The following MPP7 variants were observed in gnomAD, a reference collection of about 807,000 sequenced individuals.
MPP7 encodes the protein MAGUK p55 subfamily member 7.
Under a neutral mutation model 76.5 loss-of-function variants are expected in MPP7, and 60 were observed. The observed-to-expected ratio is 0.78, with a 90% CI of 0.64 to 0.97. The LOEUF (loss-of-function observed/expected upper bound fraction) is 0.97, where lower values mean the gene tolerates loss of function less well. Ranked by LOEUF, MPP7 falls within the 50% of genes least tolerant of loss-of-function variation. The pLI, the probability that MPP7 is intolerant of heterozygous loss-of-function variation, is 0.00. For synonymous variants in MPP7, 237 were observed against 244.5 expected, an observed-to-expected ratio of 0.97 and a Z score of 0.29; for missense variants, 641 against 694.0, an observed-to-expected ratio of 0.92 and a Z score of 0.86.
At chr10:28,157,843 C>T (rs1354822886) in intron 3 of MPP7, among the ~76,000 whole-genome samples, 2 of 152,218 alleles carry the variant, frequency 1.3e-5, no homozygotes, top group African/African-American at 4.8e-5. Context: ...CCAATCAAAA[C>T]CAGTTCTCCT....
At chr10:28,070,730 AT>A (rs1395976287) in intron 12 of MPP7, among the ~76,000 whole-genome samples, 1 of 152,226 alleles carries the variant, frequency 6.6e-6, no homozygotes. Flanking sequence ...GGAGCAAGGC[AT>A]ACAGTAGATT....
intron 1 of MPP7, among the ~76,000 whole-genome samples, chr10:28,271,629 T>C (rs1407938543): frequency 6.6e-6 from 1 of 152,122 alleles, no homozygotes; most frequent in Non-Finnish European, 1.5e-5. Flanking sequence ...TTGAAATTCA[T>C]AGATATATAG....
rs1053895652 is a variant in MPP7, at chr10:28,327,868, G to A, written c.-132+2061C>T. Among the ~76,000 whole-genome samples the A allele has an allele frequency of 6.6e-5, 10 of 152,128 alleles. No individual in the cohort carries two copies. In the East Asian group the frequency reaches 9.6e-4, roughly 15 times the overall value. On this transcript the variant is annotated intron_variant, in intron 2 of 11. Transcript: ENST00000441595. ...GAATTCCATGGACCAGAAAGAGCTC[G>A]GATAATAACTCCTTAAAGATAAGAG...
chr10:28,209,993 A>T (rs72631847), intron 2 of MPP7, among the ~76,000 whole-genome samples: 26,655 of 151,910 alleles, frequency 0.18, 2,971 homozygotes, highest in East Asian at 0.56. Context: ...ATTCCCCCTC[A>T]CTCTTATTGA....
At chr10:28,121,917 G>A (rs1834854815) in intron 8 of MPP7, among the ~76,000 whole-genome samples, 2 of 152,162 alleles carry the variant, frequency 1.3e-5, no homozygotes, top group African/African-American at 4.8e-5. Flanking sequence ...GCTGAAAGCT[G>A]AGTTGGGAAA....
chr10:28,286,273 G>A (rs1281493004), intron 1 of MPP7, among the ~76,000 whole-genome samples: 2 of 151,888 alleles, frequency 1.3e-5, no homozygotes, highest in East Asian at 1.9e-4. Flanking sequence ...GTGAACCCGG[G>A]AGGCAGAGCT....
chr10:28,071,907 G>T (rs930637398), intron 12 of MPP7, among the ~76,000 whole-genome samples: 1 of 152,110 alleles, frequency 6.6e-6, no homozygotes, highest in Non-Finnish European at 1.5e-5. Flanking sequence ...AGGAAAGAAG[G>T]AAACAACTAA....
intron 6 of MPP7, among the ~76,000 whole-genome samples, chr10:28,129,472 C>G (rs1363545209): frequency 6.6e-6 from 1 of 151,494 alleles, no homozygotes; most frequent in Non-Finnish European, 1.5e-5. Flanking sequence ...TCATGATTTC[C>G]TTAAACAAAA....
chr10:28,268,368 T>TA (rs1429425418), intron 1 of MPP7, among the ~76,000 whole-genome samples: 1 of 152,232 alleles, frequency 6.6e-6, no homozygotes, highest in African/African-American at 2.4e-5. Flanking sequence ...GGTTACATCA[T>TA]AGAGTACGTT....
chr10:28,255,562 G>A (rs1244772320), intron 1 of MPP7, among the ~76,000 whole-genome samples: 2 of 151,818 alleles, frequency 1.3e-5, no homozygotes, highest in African/African-American at 2.4e-5. Flanking sequence ...ATACAGGCAC[G>A]TGCCACCATG....
intron 5 of MPP7, among the ~76,000 whole-genome samples, chr10:28,137,515 A>G (rs1835386939): frequency 6.6e-6 from 1 of 152,260 alleles, no homozygotes; most frequent in Non-Finnish European, 1.5e-5. Flanking sequence ...TTGACAGGCA[A>G]TATTAAGAAC....
chr10:28,146,945 C>A (rs529116871), intron 5 of MPP7, among the ~76,000 whole-genome samples: 26 of 151,998 alleles, frequency 1.7e-4, no homozygotes, highest in Non-Finnish European at 2.5e-4. Context: ...ACTTAGGAGG[C>A]AATGGAAAGG....
At chr10:28,305,614 A>C (rs1253576536), upstream of MPP7, 1 of 152,288 alleles carries the variant, frequency 6.6e-6, no homozygotes, top group African/African-American at 2.4e-5. Context: ...ATGAGGAATA[A>C]GCTGAAACAT....
At chr10:28,096,383 T>C (rs1027363519) in intron 11 of MPP7, among the ~76,000 whole-genome samples, 1 of 152,214 alleles carries the variant, frequency 6.6e-6, no homozygotes, top group Non-Finnish European at 1.5e-5. Flanking sequence ...ATCACTGTTA[T>C]TTTAACGGTT....
intron 5 of MPP7, among the ~76,000 whole-genome samples, chr10:28,133,049 G>T (rs150486393): frequency 6.6e-6 from 1 of 152,160 alleles, no homozygotes; most frequent in Non-Finnish European, 1.5e-5. Flanking sequence ...GTCTATGGCC[G>T]CTGTCATGCT....
At chr10:28,303,125 C>T (rs1841208485), upstream of MPP7, among the ~76,000 whole-genome samples, 1 of 150,108 alleles carries the variant, frequency 6.7e-6, no homozygotes, top group Admixed American at 6.6e-5. Context: ...GGCTGCACCG[C>T]CCGCGGGTAA....
intron 1 of MPP7, among the ~76,000 whole-genome samples, chr10:28,279,078 T>C (rs983590459): frequency 1.3e-5 from 2 of 152,028 alleles, no homozygotes; most frequent in Non-Finnish European, 2.9e-5. Context: ...GAAATAGAAA[T>C]GGCATAATTA....
chr10:28,206,026 T>A (rs1306502078), intron 2 of MPP7, among the ~76,000 whole-genome samples: 1 of 152,142 alleles, frequency 6.6e-6, no homozygotes, highest in Non-Finnish European at 1.5e-5. Flanking sequence ...CTCATCAGAT[T>A]CTGGTTCCTC....
rs765242821 is a variant in MPP7, at chr10:28,089,674, C to T, written c.1120G>A (p.Val374Ile). The T allele has an allele frequency of 1.2e-6, 2 of 1,611,142 alleles. No homozygotes were observed. The highest frequency in any genetic ancestry group is 8.5e-7 in the Non-Finnish European group (1 of 1,178,966). The change falls in exon 12 of 17, where the codon GTT becomes ATT. Residue 374 changes from valine (V) to isoleucine (I), a missense_variant. Val to Ile is a conservative substitution (Grantham distance 29). Transcript: ENST00000683449. The part of the protein sequence containing the change: ...TNEKYRLVVL[V>I]GPVGVGLNEL... ...ACTCACAGAAACAAGCACTTACCAA[C>T]CAAGACAACGAGTCTGTATTTTTCA...
Sources: gnomAD v4.1 joint callset for allele counts (sites outside exome capture counted in the v4.1 genomes callset) on GRCh38, gnomAD v4.1.1 for gene constraint, MANE v1.5 for transcripts, NCBI Gene and HGNC (gene_info 2026-07-23, HGNC 2026-07-21) for gene names.